The following NEO1 variants were observed in gnomAD, a reference collection of about 807,000 sequenced individuals.
NEO1 encodes the protein neogenin.
A neutral mutation model predicts 159.7 loss-of-function variants in NEO1; 63 were observed. That is an observed-to-expected ratio of 0.39 (90% CI 0.32 to 0.49). The LOEUF (loss-of-function observed/expected upper bound fraction) is 0.49. Ranked by LOEUF, NEO1 falls within the 20% of genes least tolerant of loss-of-function variation. The probability of loss-of-function intolerance (pLI) is 0.85; values close to 1 mark genes in which losing one functional copy is unlikely to be tolerated. For missense variants in NEO1, 1,615 were observed against 1,831.0 expected (o/e 0.88, Z 2.15); for synonymous variants, 633 against 662.0 (o/e 0.96, Z 0.67).
At chr15:73,266,747 CA>C (rs934889556) in intron 16 of NEO1, among the ~76,000 whole-genome samples, 6 of 151,956 alleles carry the variant, frequency 3.9e-5, no homozygotes, top group African/African-American at 1.4e-4. Flanking sequence ...GAGTCAAAAA[CA>C]AAAAATGTAG....
chr15:73,065,863 G>T (rs909532255), intron 1 of NEO1, among the ~76,000 whole-genome samples: 4 of 152,046 alleles, frequency 2.6e-5, no homozygotes, highest in Non-Finnish European at 4.4e-5. Flanking sequence ...GATGGGTTCA[G>T]AAAAACTATA....
chr15:73,119,534 G>A (rs747273988), intron 2 of NEO1, among the ~76,000 whole-genome samples: 47 of 152,198 alleles, frequency 3.1e-4, no homozygotes, highest in South Asian at 4.1e-4. Context: ...CAGAGGTGGG[G>A]TAATAGGGTG....
At chr15:73,274,624 G>A in intron 20 of NEO1, 68 bp from the exon 21 acceptor site, 4 of 1,515,098 alleles carry the variant, frequency 2.6e-6, no homozygotes, top group East Asian at 2.3e-5. Flanking sequence ...AAAAAGTTCT[G>A]CCTGTCCCAT....
intron 7 of NEO1, among the ~76,000 whole-genome samples, chr15:73,226,551 A>G (rs1041372418): frequency 3.9e-5 from 6 of 152,114 alleles, no homozygotes; most frequent in African/African-American, 1.4e-4. Context: ...AATCTCTACA[A>G]TCTCCCAAAT....
intron 13 of NEO1, among the ~76,000 whole-genome samples, chr15:73,256,354 G>A (rs2040348615): frequency 6.6e-6 from 1 of 152,062 alleles, no homozygotes; most frequent in Non-Finnish European, 1.5e-5. Flanking sequence ...ACAAAAATTA[G>A]CTGGGTGTGG....
chr15:73,221,874 G>A (rs1316215512), intron 7 of NEO1: 1 of 154,298 alleles, frequency 6.5e-6, no homozygotes, highest in Non-Finnish European at 1.4e-5. Flanking sequence ...CTGACCCCTT[G>A]CGCTTCCTGA....
intron 2 of NEO1, among the ~76,000 whole-genome samples, chr15:73,118,120 C>A (rs1005532791): frequency 3.3e-5 from 5 of 152,044 alleles, no homozygotes; most frequent in Admixed American, 3.3e-4. Flanking sequence ...TCTCGGCTGT[C>A]CCCCCATATA....
At chr15:73,097,118 CCT>C (rs951562516) in intron 1 of NEO1, among the ~76,000 whole-genome samples, 2 of 151,854 alleles carry the variant, frequency 1.3e-5, no homozygotes, top group African/African-American at 2.4e-5. Context: ...AGAGCGAGAC[CCT>C]GTCTCAAAAA....
chr15:73,056,165 C>G (rs1292502870), intron 1 of NEO1, among the ~76,000 whole-genome samples: 2 of 152,210 alleles, frequency 1.3e-5, no homozygotes, highest in Non-Finnish European at 2.9e-5. Context: ...CTCCCAAACC[C>G]AATAAAGCCT....
intron 11 of NEO1, 135 bp from the exon 12 acceptor site, chr15:73,253,265 G>A (rs762956380): frequency 4.5e-5 from 21 of 464,488 alleles, no homozygotes; most frequent in Middle Eastern, 1.1e-3. Context: ...GAGGGCATTG[G>A]CAGCTAGTTT....
intron 15 of NEO1, among the ~76,000 whole-genome samples, chr15:73,261,829 G>C (rs2040632378): frequency 6.6e-6 from 1 of 152,050 alleles, no homozygotes; most frequent in Non-Finnish European, 1.5e-5. Flanking sequence ...AACTAGAATA[G>C]ACAATTTTTT....
At chr15:73,200,712 T>A (rs2036829972) in intron 7 of NEO1, among the ~76,000 whole-genome samples, 1 of 145,348 alleles carries the variant, frequency 6.9e-6, no homozygotes, top group South Asian at 2.3e-4. Context: ...TCTCACTCTG[T>A]CACCCAGGCT....
At chr15:73,231,301 C>T (rs2038895873) in intron 7 of NEO1, among the ~76,000 whole-genome samples, 2 of 152,108 alleles carry the variant, frequency 1.3e-5, no homozygotes, top group Non-Finnish European at 2.9e-5. Flanking sequence ...AGACCACATG[C>T]TAGGACACAA....
intron 19 of NEO1, among the ~76,000 whole-genome samples, chr15:73,272,903 C>A: frequency 6.7e-6 from 1 of 149,932 alleles, no homozygotes; most frequent in Non-Finnish European, 1.5e-5. Context: ...AATTATATAC[C>A]CCCTCCCTGG....
intron 1 of NEO1, among the ~76,000 whole-genome samples, chr15:73,097,972 A>G (rs2070171370): frequency 6.6e-6 from 1 of 152,036 alleles, no homozygotes; most frequent in Non-Finnish European, 1.5e-5. Flanking sequence ...ATTGAAGGCT[A>G]AAAGATTATA....
intron 1 of NEO1, among the ~76,000 whole-genome samples, chr15:73,113,396 T>C: frequency 6.6e-6 from 1 of 152,138 alleles, no homozygotes; most frequent in Non-Finnish European, 1.5e-5. Flanking sequence ...GCTAGGTGGG[T>C]ACTGGGAATA....
Position 73,275,650 on chromosome 15 carries a change from G to C in NEO1, c.3193+926G>C, listed in dbSNP as rs568493936. 2.6e-5 allele frequency among the ~76,000 whole-genome samples: 4 copies of C among 151,936 alleles called. No individual in the cohort carries two copies. The East Asian group carries it at 7.8e-4, about 29-fold the overall frequency. Reference sequence around the variant, plus strand: ...TGCCTAGGTGACAGAGTGAGACCCTGTCTCAAAAAAAAAGTAAATAAATAA... The same window carrying C: ...TGCCTAGGTGACAGAGTGAGACCCTCTCTCAAAAAAAAAGTAAATAAATAA... On this transcript the variant is annotated intron_variant, in intron 21 of 28. Transcript: ENST00000261908.
chr15:73,160,694 C>T (rs2034110335), intron 5 of NEO1, among the ~76,000 whole-genome samples: 1 of 152,172 alleles, frequency 6.6e-6, no homozygotes, highest in African/African-American at 2.4e-5. Context: ...AAGTGTTAAA[C>T]AGCATAGGGC....
intron 22 of NEO1, among the ~76,000 whole-genome samples, chr15:73,279,291 G>A (rs2041563359): frequency 6.8e-6 from 1 of 147,404 alleles, no homozygotes; most frequent in South Asian, 2.2e-4. Context: ...TTACTCCTTT[G>A]TCTTTCTTTC....
Sources: gnomAD v4.1 joint callset for allele counts (sites outside exome capture counted in the v4.1 genomes callset) on GRCh38, gnomAD v4.1.1 for gene constraint, MANE v1.5 for transcripts, NCBI Gene and HGNC (gene_info 2026-07-23, HGNC 2026-07-21) for gene names.